The following GRIK3 variants were observed in gnomAD, a reference collection of about 807,000 sequenced individuals.
The protein encoded by GRIK3 is glutamate ionotropic receptor kainate type subunit 3, also known as glutamate receptor ionotropic, kainate 3.
In GRIK3, 29 loss-of-function variants were observed where a neutral mutation model predicts 102.5. The observed-to-expected ratio is 0.28, with a 90% CI of 0.21 to 0.39. GRIK3 has a LOEUF of 0.39. Ranked by LOEUF, GRIK3 falls within the 10% of genes least tolerant of loss-of-function variation. The pLI is 1.00. For synonymous variants in GRIK3, 511 were observed against 504.9 expected (o/e 1.01, Z -0.16); for missense variants, 908 against 1,252.4 (o/e 0.73, Z 4.15).
At chr1:36,921,688 T>A (rs532134834) in intron 1 of GRIK3, among the ~76,000 whole-genome samples, 14 of 152,274 alleles carry the variant, frequency 9.2e-5, no homozygotes, top group African/African-American at 3.4e-4. Flanking sequence ...AAGCACTGTG[T>A]CATAGTATAA....
intron 5 of GRIK3, among the ~76,000 whole-genome samples, chr1:36,863,152 C>T (rs913700121): frequency 7.2e-5 from 11 of 152,122 alleles, no homozygotes; most frequent in African/African-American, 2.2e-4. Context: ...AGATATTAGG[C>T]CTTTTGCTCA....
intron 3 of GRIK3, among the ~76,000 whole-genome samples, chr1:36,873,828 A>G (rs1289083143): frequency 6.6e-6 from 1 of 152,240 alleles, no homozygotes; most frequent in Non-Finnish European, 1.5e-5. Context: ...GTGTTAGAAC[A>G]ACTGGCACAA....
At chr1:36,897,734 G>A (rs920889340) in intron 1 of GRIK3, among the ~76,000 whole-genome samples, 4 of 152,156 alleles carry the variant, frequency 2.6e-5, no homozygotes, top group Admixed American at 6.5e-5. Context: ...ACAGTTTGGA[G>A]GTTCCTCAAA....
At chr1:36,924,336 G>A (rs1166863597) in intron 1 of GRIK3, among the ~76,000 whole-genome samples, 3 of 152,212 alleles carry the variant, frequency 2.0e-5, no homozygotes, top group African/African-American at 7.2e-5. Flanking sequence ...GCAACTGGAC[G>A]AAAGCAGGGC....
At position 36,850,319 on chromosome 1, in the gene GRIK3, TG is replaced by T; in HGVS notation, c.1317del (p.Thr440GlnfsTer31). On this transcript the variant is annotated frameshift_variant, in exon 9 of 16. Coordinates refer to ENST00000373091, the MANE Select transcript of GRIK3 (RefSeq NM_000831.4). LOFTEE classifies it high-confidence loss of function. The surrounding 1 kb of genome is among the most constrained non-coding windows in gnomAD (Gnocchi z 4.0). ...DSLTNRSLIV[T>X]TVLEEPFVMF... The stretch of plus-strand genomic sequence containing the variant: ...GGGCTGCAGGCTCTTACCAGCACTG[TG>T]GTGACAATGAGTGATCTGTTTGTCA... 6.3e-7 allele frequency: 1 copy of T among 1,599,374 alleles called. No homozygotes were observed. Among genetic ancestry groups the T allele is most frequent in the Non-Finnish European group, 8.6e-7 (1 of 1,166,576 alleles).
intron 13 of GRIK3, among the ~76,000 whole-genome samples, chr1:36,815,724 C>T (rs1389438507): frequency 6.6e-6 from 1 of 152,122 alleles, no homozygotes; most frequent in African/African-American, 2.4e-5. Context: ...GAGTCAGAAA[C>T]TCTGAGGGTG....
intron 1 of GRIK3, among the ~76,000 whole-genome samples, chr1:36,911,204 G>C (rs1302974291): frequency 6.6e-6 from 1 of 151,880 alleles, no homozygotes; most frequent in Non-Finnish European, 1.5e-5. Context: ...AGGGAGGGAG[G>C]TGGGGGTCTG....
chr1:36,890,790 G>T, intron 2 of GRIK3, 130 bp downstream of exon 2: 1 of 645,208 alleles, frequency 1.5e-6, no homozygotes, highest in Non-Finnish European at 2.5e-6. Context: ...CTGGCTCCAA[G>T]CCCAAACCAG....
chr1:36,894,971 AC>A (rs1230516861), intron 1 of GRIK3, among the ~76,000 whole-genome samples: 1 of 152,196 alleles, frequency 6.6e-6, no homozygotes, highest in Non-Finnish European at 1.5e-5. Flanking sequence ...TGAGAGACTA[AC>A]TGACCTGGTG....
At chr1:36,861,373 C>T (rs1230998306) in intron 5 of GRIK3, among the ~76,000 whole-genome samples, 5 of 152,226 alleles carry the variant, frequency 3.3e-5, no homozygotes, top group Non-Finnish European at 4.4e-5. Flanking sequence ...ACACTCTCCC[C>T]TCACTAAGCT....
At chr1:36,825,892 A>C (rs1310807282) in intron 10 of GRIK3, 66 bp from the exon 11 acceptor site, 1 of 1,155,188 alleles carries the variant, frequency 8.7e-7, no homozygotes, top group Admixed American at 2.1e-5. Context: ...GAGACAGAAC[A>C]CCATTGCTGG....
At chr1:36,920,197 G>A (rs1482041838) in intron 1 of GRIK3, among the ~76,000 whole-genome samples, 2 of 152,198 alleles carry the variant, frequency 1.3e-5, no homozygotes, top group Non-Finnish European at 2.9e-5. Context: ...TCTCTAGAGG[G>A]ACCAGAGTCT....
At chr1:36,871,174 C>T (rs1321112159) in intron 4 of GRIK3, among the ~76,000 whole-genome samples, 2 of 152,160 alleles carry the variant, frequency 1.3e-5, no homozygotes, top group African/African-American at 4.8e-5. Context: ...GGGCCTCTTG[C>T]TCCAGGGCAC....
intron 2 of GRIK3, among the ~76,000 whole-genome samples, chr1:36,888,015 C>A (rs1641061223): frequency 6.6e-6 from 1 of 152,098 alleles, no homozygotes; most frequent in Admixed American, 6.6e-5. Context: ...TATGTACATA[C>A]TGTGACCCGC....
chr1:37,000,341 T>C (rs1271209140), intron 1 of GRIK3, among the ~76,000 whole-genome samples: 1 of 152,236 alleles, frequency 6.6e-6, no homozygotes, highest in Non-Finnish European at 1.5e-5. Flanking sequence ...CTATGTGCCA[T>C]GTCCTGTGAA....
In GRIK3 at chr1:36,928,338, T is replaced by C. The variant is rs74522472; in HGVS notation, c.116-37242A>G. ...AGCCCACAGCTACCTCCACCCCAGA[T>C]TTCCAGGCCTGAGGATGCCATATTA... is the stretch of plus-strand genomic sequence containing the variant. On this transcript the variant is annotated intron_variant, in intron 1 of 15. Transcript: ENST00000373091. Among the ~76,000 whole-genome samples, 98 of 152,304 alleles carry C rather than the reference T, an allele frequency of 6.4e-4. 2 individuals carry two copies. In the East Asian group the frequency reaches 7.7e-3, roughly 12 times the overall value.
At chr1:36,827,940 G>A (rs1557694819) in intron 10 of GRIK3, among the ~76,000 whole-genome samples, 1 of 152,122 alleles carries the variant, frequency 6.6e-6, no homozygotes, top group South Asian at 2.1e-4. Context: ...ATTAGAAATG[G>A]TCTTTCTTTT....
chr1:36,936,793 A>G (rs1641662781), intron 1 of GRIK3, among the ~76,000 whole-genome samples: 1 of 146,954 alleles, frequency 6.8e-6, no homozygotes, highest in Non-Finnish European at 1.5e-5. Context: ...GAACAAATGG[A>G]ATGTCAGACT....
At chr1:36,844,412 T>C (rs1640496635) in intron 9 of GRIK3, among the ~76,000 whole-genome samples, 2 of 152,214 alleles carry the variant, frequency 1.3e-5, no homozygotes, top group Admixed American at 6.5e-5. Flanking sequence ...GTCCATGCAC[T>C]GCCTTCATGC....
Sources: gnomAD v4.1 joint callset for allele counts (sites outside exome capture counted in the v4.1 genomes callset) on GRCh38, gnomAD v4.1.1 for gene constraint, Gnocchi (gnomAD v3.1) non-coding constraint, MANE v1.5 for transcripts, NCBI Gene and HGNC (gene_info 2026-07-23, HGNC 2026-07-21) for gene names.